The following CFAP251 variants were observed in gnomAD, a reference collection of about 807,000 sequenced individuals.
CFAP251 encodes the protein cilia and flagella associated protein 251, also known as cilia- and flagella-associated protein 251.
A neutral mutation model predicts 126.7 loss-of-function variants in CFAP251; 93 were observed. The observed-to-expected ratio is 0.73, with a 90% CI of 0.62 to 0.87. CFAP251 has a LOEUF of 0.87. CFAP251 is among the 40% of genes least tolerant of loss of function. CFAP251 has a pLI of 0.00. For missense variants in CFAP251, 1,287 were observed against 1,389.2 expected (o/e 0.93, Z 1.17); for synonymous variants, 503 against 506.9 (o/e 0.99, Z 0.10).
intron 19 of CFAP251, among the ~76,000 whole-genome samples, chr12:121,994,090 C>T (rs1167697489): frequency 1.7e-5 from 2 of 118,676 alleles, no homozygotes; most frequent in East Asian, 2.9e-4. Context: ...CTCTGCCCGG[C>T]GGCCCCTACT....
In CFAP251 at chr12:121,921,456, C is replaced by G; in HGVS notation, c.151C>G (p.Gln51Glu). Reference sequence around the variant, plus strand: ...TGACACAATAGCATGGAGAGAGTCTCAGGAGGAGGAGAGGAAAACGGGCGA... The same window carrying G: ...TGACACAATAGCATGGAGAGAGTCTGAGGAGGAGGAGAGGAAAACGGGCGA... Reference protein sequence around the residue: ...KDDTIAWRESQEEERKTGEEE... With the variant: ...KDDTIAWRESEEEERKTGEEE... The change falls in exon 2 of 22, where the codon CAG (glutamine) becomes GAG (glutamate). Residue 51 changes from glutamine (Q) to glutamate (E), a missense_variant. By Grantham distance (29) the Gln-to-Glu change is conservative. Transcript: ENST00000288912. The G allele has an allele frequency of 1.2e-6, 2 of 1,611,340 alleles. No homozygotes were observed. Among genetic ancestry groups the G allele is most frequent in the Non-Finnish European group, 1.7e-6 (2 of 1,179,282 alleles).
chr12:121,922,532 G>A (rs1376529454), intron 2 of CFAP251, among the ~76,000 whole-genome samples: 1 of 152,164 alleles, frequency 6.6e-6, no homozygotes. Flanking sequence ...GCTTCCTGGA[G>A]GAGGTGTGTG....
In CFAP251 at chr12:121,941,861, C is replaced by G. The variant is rs80329758; in HGVS notation, c.999-673C>G. Reference sequence around the variant, plus strand: ...GCATTGAAGGTTTTGATAGATACAGCCAAACTGCTTCTAGAAAAGTGCTGC... The same window carrying G: ...GCATTGAAGGTTTTGATAGATACAGGCAAACTGCTTCTAGAAAAGTGCTGC... On this transcript the variant is annotated intron_variant, in intron 5 of 21. Coordinates refer to ENST00000288912, the MANE Select transcript of CFAP251 (RefSeq NM_144668.6). 1.3e-3 allele frequency among the ~76,000 whole-genome samples: 195 copies of G among 152,212 alleles called. 4 individuals carry two copies. The East Asian group carries it at 0.036, about 28-fold the overall frequency.
chr12:122,003,901 T>G lies in CFAP251; in HGVS notation c.*137T>G. 1.7e-6 allele frequency: 1 copy of G among 604,334 alleles called. No homozygotes were observed. Among genetic ancestry groups the G allele is most frequent in the Non-Finnish European group, 2.7e-6 (1 of 376,756 alleles). 37.4% of individuals were successfully genotyped at this position (604,334 alleles called of 1,614,324 possible). On this transcript the variant is annotated 3_prime_UTR_variant, in exon 22 of 22. Transcript: ENST00000288912. Reference sequence around the variant, plus strand: ...TAGAACATTTAGACATTAAAGCAAGTTTCTGGTGAGCAATGGAATTCACAA... The same window carrying G: ...TAGAACATTTAGACATTAAAGCAAGGTTCTGGTGAGCAATGGAATTCACAA...
At chr12:121,988,977 C>G (rs2135810664) in intron 19 of CFAP251, among the ~76,000 whole-genome samples, 1 of 152,196 alleles carries the variant, frequency 6.6e-6, no homozygotes, top group Middle Eastern at 3.4e-3. Context: ...CTCAAATGAT[C>G]CACCCAACTT....
At chr12:121,930,934 A>C (rs1241460305) in intron 3 of CFAP251, among the ~76,000 whole-genome samples, 1 of 152,002 alleles carries the variant, frequency 6.6e-6, no homozygotes, top group Non-Finnish European at 1.5e-5. Flanking sequence ...TTTTTAGTAG[A>C]GATGAGGTTT....
At position 121,923,907 on chromosome 12, in the gene CFAP251, G is replaced by A. The variant is rs987635127; in HGVS notation, c.664G>A (p.Gly222Arg). Residue 222 changes from glycine (G) to arginine (R), a missense_variant, in exon 3 of 22, where the codon GGG (glycine) becomes AGG (arginine). Physicochemically the swap from Gly to Arg is moderately radical, Grantham distance 125. Transcript: ENST00000288912. Reference protein sequence around the residue: ...RRVSDIQSKAGISRESLVSST... With the variant: ...RRVSDIQSKARISRESLVSST... ...AGTATCCGACATCCAGTCCAAAGCA[G>A]GGATCTCCCGGGAGTCACTGGTGTC... 2.5e-6 allele frequency: 4 copies of A among 1,613,990 alleles called. No homozygotes were observed. Among genetic ancestry groups the A allele is most frequent in the Non-Finnish European group, 3.4e-6 (4 of 1,180,028 alleles).
Position 121,966,906 on chromosome 12 carries a change from A to T in CFAP251, c.2493-49A>T, listed in dbSNP as rs200442140. 9 of 1,560,550 alleles carry T rather than the reference A, an allele frequency of 5.8e-6. No individual in the cohort carries two copies. In the East Asian group the frequency reaches 1.8e-4, roughly 31 times the overall value. ...GCCCGACCAAAGAATCTTAAAACCTATGTTGAGATTTGTGGAATTTTAAAA... is the reference window on the plus strand; with the variant it reads ...GCCCGACCAAAGAATCTTAAAACCTTTGTTGAGATTTGTGGAATTTTAAAA... On this transcript the variant is annotated intron_variant, in intron 15 of 21. Transcript: ENST00000288912.
intron 14 of CFAP251, among the ~76,000 whole-genome samples, chr12:121,961,546 C>T (rs1482436385): frequency 1.3e-5 from 2 of 152,154 alleles, no homozygotes; most frequent in Non-Finnish European, 2.9e-5. Flanking sequence ...ATAAGTGACA[C>T]AGTATAACAG....
chr12:121,998,127 C>A (rs1265814507), intron 19 of CFAP251: 6 of 152,060 alleles, frequency 3.9e-5, no homozygotes, highest in African/African-American at 1.2e-4. Flanking sequence ...CATGGGCTCA[C>A]TGCAGCCTCG....
Position 122,001,515 on chromosome 12 carries a change from A to C in CFAP251, c.3254A>C (p.Glu1085Ala). ...CACACAGGTGAGCATATGACGGAGG[A>C]GGAGATGTTGGATTGCTTTGCTTCA... ...LVTKGEHMTE[E>A]EMLDCFASLF... The change falls in exon 21 of 22, where the codon GAG becomes GCG. Residue 1085 changes from glutamate (E) to alanine (A), a missense_variant. Physicochemically the swap from Glu to Ala is moderately radical, Grantham distance 107. Coordinates refer to ENST00000288912, the MANE Select transcript of CFAP251 (RefSeq NM_144668.6). The C allele has an allele frequency of 6.2e-7, 1 of 1,614,004 alleles. No homozygotes were observed. The highest frequency in any genetic ancestry group is 2.2e-5 in the East Asian group (1 of 44,882).
intron 5 of CFAP251, among the ~76,000 whole-genome samples, chr12:121,941,921 G>A (rs1385060461): frequency 6.6e-6 from 1 of 152,126 alleles, no homozygotes; most frequent in Non-Finnish European, 1.5e-5. Context: ...GAGAGTGCCC[G>A]ATTCCCTGAG....
chr12:121,944,807 C>T (rs1397594327), intron 7 of CFAP251, among the ~76,000 whole-genome samples: 1 of 152,130 alleles, frequency 6.6e-6, no homozygotes, highest in Non-Finnish European at 1.5e-5. Context: ...TTTTTTGAGA[C>T]AGGGTCTCAC....
rs753000139 is a variant in CFAP251, at chr12:121,931,851, TACA to T, written c.856_858del (p.Asn286del). The stretch of plus-strand genomic sequence containing the variant: ...TGTTTGTGCTCACACTGCGATCATC[TACA>T]ACGTGTTCAGGAACAATCAATACCA... On this transcript the variant is annotated inframe_deletion, in exon 4 of 22. Transcript: ENST00000288912. 6.9e-6 allele frequency: 11 copies of T among 1,599,996 alleles called. No individual in the cohort carries two copies. Among genetic ancestry groups the T allele is most frequent in the Non-Finnish European group, 9.4e-6 (11 of 1,174,194 alleles).
At position 122,003,616 on chromosome 12, in the gene CFAP251, T is replaced by C. The variant is rs529313099; in HGVS notation, c.3338-36T>C. Reference sequence around the variant, plus strand: ...AAAAAAGAAAGAAACATAATCATCATGAAGGCATTTGGTGTTCTTTTCTTG... The same window carrying C: ...AAAAAAGAAAGAAACATAATCATCACGAAGGCATTTGGTGTTCTTTTCTTG... On this transcript the variant is annotated intron_variant, in intron 21 of 21. Transcript: ENST00000288912. 93 of 1,525,532 alleles carry C rather than the reference T, an allele frequency of 6.1e-5. 1 individual carries two copies. In the East Asian group the frequency reaches 8.4e-4, roughly 14 times the overall value. The allele number at this position is 1,525,532 out of a possible 1,614,324, so 94.5% of individuals were successfully genotyped here. A position where few individuals can be genotyped will look rare whatever the true frequency, so the allele number is the denominator to read the frequency against.
chr12:122,000,694 C>T (rs1282850237), intron 20 of CFAP251, among the ~76,000 whole-genome samples: 2 of 152,154 alleles, frequency 1.3e-5, no homozygotes, highest in Non-Finnish European at 2.9e-5. Flanking sequence ...CAAGTAAACT[C>T]TCTTGGGATG....
chr12:121,945,131 C>A (rs560365627), intron 7 of CFAP251, among the ~76,000 whole-genome samples: 43 of 152,046 alleles, frequency 2.8e-4, no homozygotes, highest in Non-Finnish European at 5.6e-4. Context: ...TCATCTATTC[C>A]CAAGGCCATT....
intron 7 of CFAP251, among the ~76,000 whole-genome samples, chr12:121,944,079 G>C (rs1881228641): frequency 6.6e-6 from 1 of 152,076 alleles, no homozygotes; most frequent in Non-Finnish European, 1.5e-5. Context: ...GTTTCTATCA[G>C]GTCTCCTTAT....
rs576619720 is a variant in CFAP251, at chr12:121,921,757, T to A, written c.378+74T>A. ...TGAATGCTTAGTATAGGCCAGACTA[T>A]GGGAACACAAAACCAAATAAGGTAC... On this transcript the variant is annotated intron_variant, in intron 2 of 21. Transcript: ENST00000288912. 177 of 1,444,516 alleles carry A rather than the reference T, an allele frequency of 1.2e-4. No homozygotes were observed. The African/African-American group carries it at 2.1e-3, about 17-fold the overall frequency. 89.5% of individuals were successfully genotyped at this position (1,444,516 alleles called of 1,614,324 possible). A position where few individuals can be genotyped will look rare whatever the true frequency, so the allele number is the denominator to read the frequency against.
Sources: allele counts gnomAD v4.1 joint callset (sites outside exome capture counted in the v4.1 genomes callset), GRCh38; gene constraint gnomAD v4.1.1; transcripts MANE v1.5; gene names NCBI Gene and HGNC (gene_info 2026-07-23, HGNC 2026-07-21).